Variants in ELMOD3 observed in about 807,000 individuals in gnomAD.
ELMOD3 encodes the protein ELMO domain-containing protein 3.
A neutral mutation model predicts 47.4 loss-of-function variants in ELMOD3; 36 were observed. The observed-to-expected ratio is 0.76, with a 90% CI of 0.58 to 1.00. ELMOD3 has a LOEUF of 1.00. ELMOD3 is among the 50% of genes least tolerant of loss of function. ELMOD3 has a pLI of 0.00. For missense variants in ELMOD3, 404 were observed against 463.8 expected, an observed-to-expected ratio of 0.87 and a Z score of 1.18; for synonymous variants, 149 against 183.5, an observed-to-expected ratio of 0.81 and a Z score of 1.52.
chr2:85,390,265 G>C lies in ELMOD3; in HGVS notation c.943G>C (p.Glu315Gln). The change falls in exon 13 of 14, where the codon GAG becomes CAG. Residue 315 changes from glutamate to glutamine, a missense_variant and splice_region_variant. Glu to Gln is a conservative substitution (Grantham distance 29). Transcript: ENST00000409013. ...CTCAGACTCGGGCTTTGTCCTCAAA[G>C]GTGTGCTCTTTCTTCTGGGGAGGCC... ...TISDSGFVLK[E>Q]LEVLAKKSPR... is the part of the protein sequence containing the mutation. The C allele has an allele frequency of 1.2e-6, 2 of 1,614,168 alleles. No homozygotes were observed. Among genetic ancestry groups the C allele is most frequent in the African/African-American group, 1.3e-5 (1 of 75,034 alleles).
intron 7 of ELMOD3, 50 bp downstream of exon 7, chr2:85,368,804 G>T: frequency 6.3e-7 from 1 of 1,595,254 alleles, no homozygotes; most frequent in South Asian, 1.1e-5. Context: ...GCCAGCAAAG[G>T]CACCATCCAC....
At chr2:85,390,452 C>G in intron 13 of ELMOD3, 187 bp downstream of exon 13, 7 of 1,614,174 alleles carry the variant, frequency 4.3e-6, no homozygotes, top group Non-Finnish European at 5.9e-6. Context: ...TCTGCCCTGA[C>G]TGTCGCCCTT....
chr2:85,380,660 G>A (rs973131826), intron 11 of ELMOD3, among the ~76,000 whole-genome samples: 7 of 152,182 alleles, frequency 4.6e-5, no homozygotes, highest in South Asian at 2.1e-4. Flanking sequence ...GAGTAGCTGG[G>A]ATTACAGGCA....
chr2:85,371,052 GC>G (rs1558702931), intron 8 of ELMOD3, 33 bp from the exon 9 acceptor site: 1 of 1,607,936 alleles, frequency 6.2e-7, no homozygotes, highest in East Asian at 2.2e-5. Flanking sequence ...AAATGAACCA[GC>G]ATTCTGCCCA....
intron 6 of ELMOD3, among the ~76,000 whole-genome samples, chr2:85,366,728 C>T (rs902065910): frequency 3.3e-5 from 5 of 152,232 alleles, no homozygotes; most frequent in African/African-American, 9.6e-5. Context: ...GCTTCCCAGC[C>T]GCTTTCTCTT....
chr2:85,390,119 C>T lies in ELMOD3; in HGVS notation c.816-19C>T, dbSNP rs533795562. The stretch of plus-strand genomic sequence containing the variant: ...CCTTCATCCACCGCTGAGCAGGTCA[C>T]CTTGCCTTTTTCCTGCAGAGAGTGT... On this transcript the variant is annotated intron_variant, in intron 12 of 13. Transcript: ENST00000409013. 64 of 1,607,896 alleles carry T rather than the reference C, an allele frequency of 4.0e-5. No homozygotes were observed. In the South Asian group the frequency reaches 4.1e-4, roughly 10 times the overall value.
At chr2:85,384,357 C>T (rs1374565392) in intron 11 of ELMOD3, among the ~76,000 whole-genome samples, 2 of 152,232 alleles carry the variant, frequency 1.3e-5, no homozygotes, top group East Asian at 1.9e-4. Context: ...TTTCAACTCT[C>T]TGCCCTCCCT....
At position 85,369,803 on chromosome 2, in the gene ELMOD3, C is replaced by G; in HGVS notation, c.333C>G (p.Phe111Leu). The G allele has an allele frequency of 6.2e-7, 1 of 1,614,146 alleles. No homozygotes were observed. The highest frequency in any genetic ancestry group is 8.5e-7 in the Non-Finnish European group (1 of 1,179,976). ...CCTTCAGTGAGGCCCTGCAGCACTT[C>G]CAGACTGTGGACCTTTCCCCCTTCA... ...LISFSEALQH[F>L]QTVDLSPFKK... The change falls in exon 8 of 14, where the codon TTC becomes TTG. Residue 111 changes from phenylalanine to leucine, a missense_variant. Transcript: ENST00000409013.
At chr2:85,359,374 G>A (rs564501728) in intron 4 of ELMOD3, among the ~76,000 whole-genome samples, 1 of 149,212 alleles carries the variant, frequency 6.7e-6, no homozygotes, top group South Asian at 2.1e-4. Context: ...TTGATAATCT[G>A]ACTAATGAAA....
chr2:85,367,064 T>G (rs1202988810), intron 6 of ELMOD3, among the ~76,000 whole-genome samples: 2 of 152,210 alleles, frequency 1.3e-5, no homozygotes, highest in African/African-American at 4.8e-5. Context: ...TCTGCTCTTC[T>G]TTTTTTCTCC....
Position 85,368,672 on chromosome 2 carries a change from T to G in ELMOD3, c.200-14T>G. The stretch of plus-strand genomic sequence containing the variant: ...CTAGATCTCAGAGGGTCTCCTTTTC[T>G]CCTACTATTGCAGTTGTGAGTACAG... On this transcript the variant is annotated splice_polypyrimidine_tract_variant and intron_variant, in intron 6 of 13. Coordinates refer to ENST00000409013, the MANE Select transcript of ELMOD3 (RefSeq NM_001135022.2). 1 of 1,613,840 alleles carries G rather than the reference T, an allele frequency of 6.2e-7. No homozygotes were observed. The highest frequency in any genetic ancestry group is 8.5e-7 in the Non-Finnish European group (1 of 1,179,868).
intron 11 of ELMOD3, chr2:85,389,402 T>A (rs1686159276): frequency 3.2e-6 from 1 of 313,112 alleles, no homozygotes; most frequent in South Asian, 4.1e-5. Context: ...CACCAGGAGA[T>A]GATGTGGGCC....
intron 6 of ELMOD3, chr2:85,367,506 A>G (rs1684470616): frequency 6.6e-6 from 1 of 152,246 alleles, no homozygotes; most frequent in Non-Finnish European, 1.5e-5. Flanking sequence ...AAGAATCTAC[A>G]AATGTTCCTC....
rs547712712 is a variant in ELMOD3 at position 85,354,889 on chromosome 2, C to T, written c.-372+60C>T. On this transcript the variant is annotated intron_variant, in intron 1 of 13. Coordinates refer to ENST00000409013, the MANE Select transcript of ELMOD3 (RefSeq NM_001135022.2). The stretch of plus-strand genomic sequence containing the variant: ...TTGGTGCCTGTGCGGAGCTAGCAGC[C>T]GGCCTGAGGAGGGAGGGAGAATGTG... The T allele has an allele frequency of 6.1e-4, 107 of 176,254 alleles. 1 individual carries two copies. The Middle Eastern group carries it at 0.022, about 36-fold the overall frequency. 10.9% of individuals were successfully genotyped at this position (176,254 alleles called of 1,614,324 possible). A position where few individuals can be genotyped will look rare whatever the true frequency, so the allele number is the denominator to read the frequency against.
chr2:85,377,453 C>T lies in ELMOD3; in HGVS notation c.717C>T (p.Arg239=). The part of the protein sequence containing the change: ...KTLPMAQEIF[R]LSRHHIQQFP... ...TGCCGATGGCGCAGGAGATTTTCCGCCTGTCTCGTCACCACATCCAGGTGA... is the reference window on the plus strand; with the variant it reads ...TGCCGATGGCGCAGGAGATTTTCCGTCTGTCTCGTCACCACATCCAGGTGA... Residue 239 remains arginine, a synonymous_variant, in exon 11 of 14, where the codon CGC becomes CGT. Transcript: ENST00000409013. 1 of 1,608,676 alleles carries T rather than the reference C, an allele frequency of 6.2e-7. No individual in the cohort carries two copies. Among genetic ancestry groups the T allele is most frequent in the East Asian group, 2.3e-5 (1 of 44,410 alleles).
intron 11 of ELMOD3, among the ~76,000 whole-genome samples, chr2:85,386,495 C>T (rs1424625583): frequency 2.8e-5 from 4 of 142,946 alleles, no homozygotes; most frequent in Admixed American, 2.3e-4. Context: ...AGCGATTCTT[C>T]TGCCTGAGCC....
At position 85,390,483 on chromosome 2, in the gene ELMOD3, C is replaced by A. The variant is rs200994092; in HGVS notation, c.943+218C>A. The A allele has an allele frequency of 1.1e-4, 179 of 1,612,862 alleles. No individual in the cohort carries two copies. The highest frequency in any genetic ancestry group is 1.5e-4 in the Non-Finnish European group (173 of 1,179,418). ...CCCTTTTCTGGTCTTATACTTATGA[C>A]AAGCATATATTCTGATCAAAAATTG... On this transcript the variant is annotated intron_variant, in intron 13 of 13. Transcript: ENST00000409013.
chr2:85,388,151 GA>G (rs1261473721), intron 11 of ELMOD3, among the ~76,000 whole-genome samples: 17 of 144,624 alleles, frequency 1.2e-4, no homozygotes, highest in African/African-American at 2.8e-4. Flanking sequence ...TTGTTTTTTT[GA>G]AAAAAAAAAA....
chr2:85,371,598 CCT>C, intron 10 of ELMOD3, 36 bp downstream of exon 10: 1 of 1,612,346 alleles, frequency 6.2e-7, no homozygotes, highest in Non-Finnish European at 8.5e-7. Context: ...CTTTTTCATG[CCT>C]CTGATTCCAG....
Sources: allele counts gnomAD v4.1 joint callset (sites outside exome capture counted in the v4.1 genomes callset), GRCh38; gene constraint gnomAD v4.1.1; transcripts MANE v1.5; gene names NCBI Gene and HGNC (gene_info 2026-07-23, HGNC 2026-07-21).